The following PRKN variants were observed in gnomAD, a reference collection of about 807,000 sequenced individuals.
PRKN encodes the protein E3 ubiquitin-protein ligase parkin.
In PRKN, 56 loss-of-function variants were observed where a neutral mutation model predicts 59.5. The observed-to-expected ratio is 0.94, with a 90% CI of 0.76 to 1.18. The LOEUF (loss-of-function observed/expected upper bound fraction) is 1.18. Ranked by LOEUF, PRKN falls within the 50% of genes most tolerant of loss-of-function variation. The pLI, the probability that PRKN is intolerant of heterozygous loss-of-function variation, is 0.00. For missense variants in PRKN, 657 were observed against 596.4 expected, an observed-to-expected ratio of 1.10 and a Z score of -1.06; for synonymous variants, 250 against 222.1, an observed-to-expected ratio of 1.13 and a Z score of -1.12.
At chr6:161,988,618 T>C (rs116611438) in intron 5 of PRKN, among the ~76,000 whole-genome samples, 1,940 of 152,134 alleles carry the variant, frequency 0.013, 39 homozygotes, top group African/African-American at 0.044. Context: ...TAAAATTTAA[T>C]TAAAAGCTAA....
rs114931665 is a variant in PRKN at position 162,410,430 on chromosome 6, C to T, written c.171+32880G>A. Among the ~76,000 whole-genome samples, 786 of 152,306 alleles carry T rather than the reference C, an allele frequency of 5.2e-3. 11 individuals are homozygous for T. Among genetic ancestry groups the T allele is most frequent in the African/African-American group, 0.018 (754 of 41,558 alleles). On this transcript the variant is annotated intron_variant, in intron 2 of 11. Transcript: ENST00000366898. ...GATTCACATGGAAAGTCCACACCCT[C>T]CATCTAGCCGGGTCTCCTCCTGCCT...
intron 1 of PRKN, among the ~76,000 whole-genome samples, chr6:162,507,623 T>C (rs549144018): frequency 2.0e-5 from 3 of 152,344 alleles, no homozygotes; most frequent in South Asian, 2.1e-4. Flanking sequence ...AATTAACTGA[T>C]AGGAACACAT....
At chr6:161,985,956 A>G (rs538182352) in intron 5 of PRKN, among the ~76,000 whole-genome samples, 32 of 152,140 alleles carry the variant, frequency 2.1e-4, no homozygotes, top group Non-Finnish European at 3.7e-4. Flanking sequence ...CAGTGTATCT[A>G]TCTTCAACCC....
chr6:161,867,438 T>C (rs1794155429), intron 6 of PRKN, among the ~76,000 whole-genome samples: 1 of 152,196 alleles, frequency 6.6e-6, no homozygotes, highest in South Asian at 2.1e-4. Flanking sequence ...CATTCTTAGC[T>C]CATGCCCTGT....
intron 1 of PRKN, among the ~76,000 whole-genome samples, chr6:162,701,237 A>C (rs868648393): frequency 1.3e-5 from 2 of 152,200 alleles, no homozygotes; most frequent in African/African-American, 4.8e-5. Flanking sequence ...ACAACAACAA[A>C]AAAGCAGCTG....
intron 6 of PRKN, among the ~76,000 whole-genome samples, chr6:161,824,767 G>A (rs1792172271): frequency 6.6e-6 from 1 of 152,014 alleles, no homozygotes; most frequent in Admixed American, 6.6e-5. Flanking sequence ...TAATCATAGG[G>A]CCACATTGAA....
intron 4 of PRKN, among the ~76,000 whole-genome samples, chr6:162,057,243 A>T (rs1264062914): frequency 6.6e-6 from 1 of 152,176 alleles, no homozygotes; most frequent in African/African-American, 2.4e-5. Flanking sequence ...CACTTATGTG[A>T]TTTTCAACTT....
intron 6 of PRKN, among the ~76,000 whole-genome samples, chr6:161,927,428 A>G (rs9458421): frequency 6.6e-6 from 1 of 152,162 alleles, no homozygotes; most frequent in South Asian, 2.1e-4. Context: ...ACAGGGTAAA[A>G]TAACTTACAC....
intron 2 of PRKN, among the ~76,000 whole-genome samples, chr6:162,411,338 G>A (rs2128154764): frequency 6.6e-6 from 1 of 152,234 alleles, no homozygotes; most frequent in Non-Finnish European, 1.5e-5. Context: ...ATACCGGAAT[G>A]ACCATGAATC....
chr6:161,684,487 C>T (rs781450343), intron 7 of PRKN, among the ~76,000 whole-genome samples: 36 of 152,262 alleles, frequency 2.4e-4, no homozygotes, highest in Non-Finnish European at 4.4e-4. Context: ...ATTTATGTCA[C>T]ATGATAGAAG....
intron 1 of PRKN, among the ~76,000 whole-genome samples, chr6:162,474,258 C>T (rs751526196): frequency 1.3e-3 from 201 of 152,268 alleles, no homozygotes; most frequent in Non-Finnish European, 2.5e-3. Context: ...TACTTCTTTT[C>T]CAATAATACA....
At chr6:162,496,254 G>A (rs1183211794) in intron 1 of PRKN, among the ~76,000 whole-genome samples, 4 of 151,790 alleles carry the variant, frequency 2.6e-5, no homozygotes, top group African/African-American at 9.7e-5. Flanking sequence ...AAAAAAGAAA[G>A]AAAAAAACAG....
At chr6:161,638,831 T>C (rs1236577732) in intron 7 of PRKN, among the ~76,000 whole-genome samples, 1 of 137,866 alleles carries the variant, frequency 7.3e-6, no homozygotes, top group Non-Finnish European at 1.5e-5. Flanking sequence ...AACCTCCACC[T>C]CCCGGGCTCA....
At chr6:162,467,057 A>G (rs1416508386) in intron 1 of PRKN, among the ~76,000 whole-genome samples, 1 of 152,172 alleles carries the variant, frequency 6.6e-6, no homozygotes, top group Non-Finnish European at 1.5e-5. Context: ...TTCTATTATT[A>G]CGTTTATTTA....
rs1352891441 is a variant in PRKN at position 161,487,953 on chromosome 6, A to G, written c.1083+60901T>C. Among the ~76,000 whole-genome samples the G allele has an allele frequency of 2.0e-5, 3 of 152,100 alleles. No homozygotes were observed. The highest frequency in any genetic ancestry group is 2.9e-5 in the Non-Finnish European group (2 of 68,034). ...TTTACTGAATACCTACAAAACTTCTATGACTAAAACCAATGAGATTCTCCC... is the reference window on the plus strand; with the variant it reads ...TTTACTGAATACCTACAAAACTTCTGTGACTAAAACCAATGAGATTCTCCC... On this transcript the variant is annotated intron_variant, in intron 9 of 11. Transcript: ENST00000366898. The surrounding 1 kb of genome is among the most constrained non-coding windows in gnomAD (Gnocchi z 5.3).
At chr6:161,404,145 C>G (rs894366093) in intron 9 of PRKN, among the ~76,000 whole-genome samples, 5 of 152,140 alleles carry the variant, frequency 3.3e-5, no homozygotes, top group African/African-American at 1.2e-4. Flanking sequence ...TGACCTGATC[C>G]TAAATCCCTC....
In PRKN at chr6:162,652,174, G is replaced by T. The variant is rs148465007; in HGVS notation, c.7+75488C>A. On this transcript the variant is annotated intron_variant, in intron 1 of 11. Transcript: ENST00000366898. ...ATCAATGTCCACTGGTGGCAAAACC[G>T]CCCCAGTTGATCTTTATATTTAGGG... is the stretch of plus-strand genomic sequence containing the variant. Among the ~76,000 whole-genome samples, 14 of 152,200 alleles carry T rather than the reference G, an allele frequency of 9.2e-5. No individual in the cohort carries two copies. In the East Asian group the frequency reaches 2.7e-3, roughly 29 times the overall value.
At chr6:162,024,448 C>T (rs150202076) in intron 5 of PRKN, among the ~76,000 whole-genome samples, 2,994 of 152,254 alleles carry the variant, frequency 0.02, 110 homozygotes, top group African/African-American at 0.068. Flanking sequence ...CCACCGGCCT[C>T]GGCCTCTCAA....
At chr6:161,394,133 G>C (rs974848815) in intron 9 of PRKN, among the ~76,000 whole-genome samples, 5 of 152,118 alleles carry the variant, frequency 3.3e-5, no homozygotes, top group African/African-American at 9.7e-5. Context: ...CGGAGATGGT[G>C]TTAGATTATA....
Sources: gnomAD v4.1 joint callset for allele counts (sites outside exome capture counted in the v4.1 genomes callset) on GRCh38, gnomAD v4.1.1 for gene constraint, Gnocchi (gnomAD v3.1) non-coding constraint, MANE v1.5 for transcripts, NCBI Gene and HGNC (gene_info 2026-07-23, HGNC 2026-07-21) for gene names.